ADGRE1: variants seen among roughly 807,000 people sequenced by gnomAD.
ADGRE1 encodes the protein EGF-like module receptor 1.
ADGRE1 carries 82 observed loss-of-function variants against 102.7 expected under a neutral mutation model. That is an observed-to-expected ratio of 0.80 (90% CI 0.67 to 0.96). ADGRE1 has a LOEUF of 0.96. ADGRE1 is among the 40% of genes least tolerant of loss of function. The pLI, the probability that ADGRE1 is intolerant of heterozygous loss-of-function variation, is 0.00. For missense variants in ADGRE1, 1,032 were observed against 1,085.3 expected (o/e 0.95, Z 0.69); for synonymous variants, 398 against 399.6 (o/e 1.00, Z 0.05).
At chr19:6,932,549 A>G (rs1975205560) in intron 17 of ADGRE1, among the ~76,000 whole-genome samples, 1 of 152,184 alleles carries the variant, frequency 6.6e-6, no homozygotes, top group African/African-American at 2.4e-5. Context: ...GGTGTTTTGT[A>G]GCGAGAGGGA....
intron 3 of ADGRE1, 120 bp downstream of exon 3, chr19:6,896,661 T>C: frequency 8.3e-7 from 1 of 1,202,166 alleles, no homozygotes; most frequent in Non-Finnish European, 1.2e-6. Context: ...GGTTTAACTA[T>C]ATATTTTAAG....
At position 6,906,467 on chromosome 19, in the gene ADGRE1, C is replaced by T. The variant is rs748327859; in HGVS notation, c.984C>T (p.Pro328=). The T allele has an allele frequency of 2.7e-5, 43 of 1,613,430 alleles. No individual in the cohort carries two copies. Among genetic ancestry groups the T allele is most frequent in the Middle Eastern group, 1.6e-4 (1 of 6,076 alleles). ...TCAAATGTAAGGAAGATGTGATACC[C>T]GATAATAAGCAGATCCAGCAATGCC... ...VLFKCKEDVI[P]DNKQIQQCQE... The change falls in exon 9 of 21, where the codon CCC becomes CCT. Residue 328 remains proline, a synonymous_variant. Coordinates refer to ENST00000312053, the MANE Select transcript of ADGRE1 (RefSeq NM_001974.5).
chr19:6,895,506 A>G (rs1973517524), intron 2 of ADGRE1: 1 of 152,138 alleles, frequency 6.6e-6, no homozygotes, highest in South Asian at 2.1e-4. Flanking sequence ...TAGTGCTTGG[A>G]TGTTCATGGT....
At chr19:6,931,835 A>T (rs1430054923) in intron 17 of ADGRE1, among the ~76,000 whole-genome samples, 1 of 151,994 alleles carries the variant, frequency 6.6e-6, no homozygotes. Flanking sequence ...GTCATATTTC[A>T]GTCAGATTAG....
At chr19:6,938,830 C>T (rs1975552453) in intron 20 of ADGRE1, among the ~76,000 whole-genome samples, 1 of 147,676 alleles carries the variant, frequency 6.8e-6, no homozygotes, top group African/African-American at 2.5e-5. Flanking sequence ...GAGTCTCGCT[C>T]TGTAACCCAG....
intron 8 of ADGRE1, among the ~76,000 whole-genome samples, chr19:6,906,127 G>A (rs1462291006): frequency 6.6e-6 from 1 of 152,010 alleles, no homozygotes; most frequent in Non-Finnish European, 1.5e-5. Flanking sequence ...AGTGTAAGCT[G>A]TGCAGGGACA....
chr19:6,909,843 T>C (rs1974105433), intron 10 of ADGRE1, among the ~76,000 whole-genome samples: 1 of 152,176 alleles, frequency 6.6e-6, no homozygotes, highest in Non-Finnish European at 1.5e-5. Flanking sequence ...CAAGCGATTC[T>C]CCTGCCTCAG....
chr19:6,932,384 C>T (rs1975194012), intron 17 of ADGRE1, among the ~76,000 whole-genome samples: 1 of 152,118 alleles, frequency 6.6e-6, no homozygotes, highest in African/African-American at 2.4e-5. Flanking sequence ...AGGAGAATGG[C>T]GTGAACCTGG....
chr19:6,898,495 G>C, intron 5 of ADGRE1: 1 of 1,573,096 alleles, frequency 6.4e-7, no homozygotes, highest in East Asian at 2.2e-5. Flanking sequence ...GATGGGTCTT[G>C]AGTGGATATC....
chr19:6,897,666 G>C (rs1360388108), intron 5 of ADGRE1, 119 bp downstream of exon 5: 5 of 1,111,410 alleles, frequency 4.5e-6, no homozygotes, highest in African/African-American at 1.6e-5. Context: ...GGCTCAGAGA[G>C]GTAAAAATAT....
intron 9 of ADGRE1, among the ~76,000 whole-genome samples, chr19:6,907,991 A>C (rs1224878598): frequency 6.6e-6 from 1 of 152,230 alleles, no homozygotes; most frequent in Non-Finnish European, 1.5e-5. Context: ...AACTGGCCAT[A>C]AACAAAATCT....
chr19:6,932,115 A>T (rs1253327297), intron 17 of ADGRE1, among the ~76,000 whole-genome samples: 2 of 152,162 alleles, frequency 1.3e-5, no homozygotes, highest in Admixed American at 1.3e-4. Flanking sequence ...GGTCTGAAGA[A>T]GGTGTAGAGT....
intron 14 of ADGRE1, among the ~76,000 whole-genome samples, chr19:6,923,742 T>C (rs1005925965): frequency 6.6e-6 from 1 of 151,754 alleles, no homozygotes; most frequent in African/African-American, 2.4e-5. Context: ...TTCGCCATGT[T>C]GGCCAGGCTG....
chr19:6,919,413 TC>T, intron 12 of ADGRE1, 134 bp from the exon 13 acceptor site: 2 of 367,962 alleles, frequency 5.4e-6, no homozygotes, highest in Non-Finnish European at 9.5e-6. Flanking sequence ...TGACTCTCTC[TC>T]TCTCTCTCTC....
intron 2 of ADGRE1, among the ~76,000 whole-genome samples, chr19:6,894,276 C>A (rs1051926229): frequency 1.3e-5 from 2 of 152,190 alleles, no homozygotes; most frequent in Non-Finnish European, 2.9e-5. Context: ...TCTTTCCTAG[C>A]ACCTGGGAGC....
chr19:6,898,566 C>T, intron 5 of ADGRE1: 1 of 1,498,974 alleles, frequency 6.7e-7, no homozygotes, highest in Non-Finnish European at 9.2e-7. Flanking sequence ...ATCTGCTCAC[C>T]CTCTTTCACT....
At position 6,915,938 on chromosome 19, in the gene ADGRE1, A is replaced by C. The variant is rs559118274; in HGVS notation, c.1301-311A>C. On this transcript the variant is annotated intron_variant, in intron 11 of 20. Transcript: ENST00000312053. ...TCCGTCTCAAAAAAAAAAAAAAAAA[A>C]AAAAAAAACTTAGAGAGAAAATCAT... Among the ~76,000 whole-genome samples the C allele has an allele frequency of 1.7e-3, 258 of 151,408 alleles. 1 individual carries two copies. The highest frequency in any genetic ancestry group is 0.012 in the South Asian group (56 of 4,772).
Position 6,897,560 on chromosome 19 carries a change from A to G in ADGRE1, c.514+13A>G. 1.3e-6 allele frequency: 2 copies of G among 1,527,024 alleles called. No individual in the cohort carries two copies. The highest frequency in any genetic ancestry group is 1.8e-6 in the Non-Finnish European group (2 of 1,141,956). 94.6% of individuals were successfully genotyped at this position (1,527,024 alleles called of 1,614,324 possible). On this transcript the variant is annotated intron_variant, in intron 5 of 20. Coordinates refer to ENST00000312053, the MANE Select transcript of ADGRE1 (RefSeq NM_001974.5). ...TCCACCTGTGAAGGTATCCATGACC[A>G]TCTCTTTATTATTTACCTACTTAAT... is the stretch of plus-strand genomic sequence containing the variant.
intron 14 of ADGRE1, 72 bp from the exon 15 acceptor site, chr19:6,924,606 G>C (rs1974806806): frequency 4.1e-6 from 6 of 1,447,832 alleles, no homozygotes; most frequent in East Asian, 4.6e-5. Context: ...CAGGGTTTTA[G>C]ATAACTCTTC....
Sources: allele counts gnomAD v4.1 joint callset (sites outside exome capture counted in the v4.1 genomes callset), GRCh38; gene constraint gnomAD v4.1.1; transcripts MANE v1.5; gene names NCBI Gene and HGNC (gene_info 2026-07-23, HGNC 2026-07-21).